GBF1: variants seen among roughly 807,000 people sequenced by gnomAD.
GBF1 encodes golgi brefeldin A resistant guanine nucleotide exchange factor 1, also known as Golgi-specific brefeldin A-resistance guanine nucleotide exchange factor 1.
GBF1 carries 114 observed loss-of-function variants against 210.5 expected under a neutral mutation model. That is an observed-to-expected ratio of 0.54 (90% confidence interval 0.47 to 0.63). The LOEUF (loss-of-function observed/expected upper bound fraction) is 0.63. GBF1 is among the 30% of genes least tolerant of loss of function. GBF1 has a pLI of 0.00. For synonymous variants in GBF1, 850 were observed against 889.2 expected, an observed-to-expected ratio of 0.96 and a Z score of 0.78; for missense variants, 1,851 against 2,357.7, an observed-to-expected ratio of 0.79 and a Z score of 4.45.
At chr10:102,333,226 G>T (rs1379924124) in intron 3 of GBF1, among the ~76,000 whole-genome samples, 1 of 152,170 alleles carries the variant, frequency 6.6e-6, no homozygotes, top group East Asian at 1.9e-4. Flanking sequence ...CTGTTGTATA[G>T]GGCAGGGTCT....
chr10:102,280,915 C>T (rs756090593), intron 3 of GBF1, among the ~76,000 whole-genome samples: 3 of 152,162 alleles, frequency 2.0e-5, no homozygotes, highest in Non-Finnish European at 4.4e-5. Context: ...TGTTGTCTTT[C>T]GTCTGAGAAA....
At chr10:102,284,100 G>C (rs1387443689) in intron 3 of GBF1, among the ~76,000 whole-genome samples, 1 of 152,098 alleles carries the variant, frequency 6.6e-6, no homozygotes, top group Non-Finnish European at 1.5e-5. Flanking sequence ...TGAGGTACCT[G>C]CTTGTCTCTA....
At chr10:102,236,260 C>T in the GBF1 span, among the ~76,000 whole-genome samples, 2 of 152,152 alleles carry the variant, frequency 1.3e-5, no homozygotes, top group Non-Finnish European at 2.9e-5. Context: ...CTTCGCCTCA[C>T]TCAGTGGATA....
At chr10:102,353,478 T>C (rs2059124150) in intron 7 of GBF1, 122 bp from the exon 8 acceptor site, 5 of 750,580 alleles carry the variant, frequency 6.7e-6, no homozygotes, top group African/African-American at 3.5e-5. Context: ...TGCTTCTCTT[T>C]TGTAGCCTTT....
At position 102,358,683 on chromosome 10, in the gene GBF1, A is replaced by G; in HGVS notation, c.965A>G (p.Glu322Gly). 5 of 1,614,074 alleles carry G rather than the reference A, an allele frequency of 3.1e-6. No homozygotes were observed. Among genetic ancestry groups the G allele is most frequent in the Non-Finnish European group, 4.2e-6 (5 of 1,179,946 alleles). ...PGSPGYSTAT[E>G]PGSSELGVPE... The stretch of plus-strand genomic sequence containing the variant: ...TCTCCAGGGTACAGCACAGCTACAG[A>G]GCCTGGAAGCAGTGAGCTAGGTGTT... The change falls in exon 10 of 40, where the codon GAG (glutamate) becomes GGG (glycine). Residue 322 changes from glutamate to glycine, a missense_variant. Physicochemically the swap from Glu to Gly is moderately conservative, Grantham distance 98. Coordinates refer to ENST00000369983, the MANE Select transcript of GBF1 (RefSeq NM_001377137.1).
intron 3 of GBF1, among the ~76,000 whole-genome samples, chr10:102,297,383 G>C (rs1240656350): frequency 2.6e-5 from 4 of 152,154 alleles, no homozygotes; most frequent in Non-Finnish European, 5.9e-5. Context: ...GGGAAATAAG[G>C]ATTCAGGCAG....
At chr10:102,255,453 T>G (rs937481930) in intron 1 of GBF1, among the ~76,000 whole-genome samples, 2 of 152,222 alleles carry the variant, frequency 1.3e-5, no homozygotes, top group Admixed American at 1.3e-4. Context: ...TGATTAAAAT[T>G]TAAAAGTAGT....
At chr10:102,368,935 C>T (rs558421251) in intron 23 of GBF1, 103 bp downstream of exon 23, 196 of 755,668 alleles carry the variant, frequency 2.6e-4, no homozygotes, top group Non-Finnish European at 1.4e-5. Flanking sequence ...TCAGCGTCTT[C>T]CCTCACTGCC....
At chr10:102,375,753 A>C (rs1174225044) in intron 30 of GBF1, among the ~76,000 whole-genome samples, 169 bp downstream of exon 30, 2 of 151,984 alleles carry the variant, frequency 1.3e-5, no homozygotes, top group Non-Finnish European at 2.9e-5. Context: ...CATAAGTTAA[A>C]TAGCATGAGG....
chr10:102,301,632 G>A (rs1589551553), intron 3 of GBF1, among the ~76,000 whole-genome samples: 2 of 147,058 alleles, frequency 1.4e-5, no homozygotes, highest in African/African-American at 5.0e-5. Flanking sequence ...AGACGGGGTC[G>A]CGGCCGGGCA....
At chr10:102,299,691 A>G (rs2077181243) in intron 3 of GBF1, among the ~76,000 whole-genome samples, 1 of 152,138 alleles carries the variant, frequency 6.6e-6, no homozygotes, top group African/African-American at 2.4e-5. Context: ...CTGAGGCAGG[A>G]GAATCGCTTG....
chr10:102,261,235 TTG>T (rs34325175), intron 3 of GBF1, among the ~76,000 whole-genome samples: 123,356 of 150,068 alleles, frequency 0.82, 50,712 homozygotes, highest in Admixed American at 0.86. Flanking sequence ...TACCTTATAT[TTG>T]TGTGTGTGTG....
rs570248066 is a variant in GBF1 at position 102,376,405 on chromosome 10, C to A, written c.4020C>A (p.Ala1340=). ...PGKIHRSATD[A]DVVNSGWLVV... ...AGATACACCGATCAGCCACAGATGC[C>A]GATGTGGTCAACAGTGGTTGGTTAG... The change falls in exon 31 of 40, where the codon GCC becomes GCA. Residue 1340 remains alanine (A), a synonymous_variant. Transcript: ENST00000369983. 4.0e-4 allele frequency: 651 copies of A among 1,614,128 alleles called. 7 individuals carry two copies. The South Asian group carries it at 6.8e-3, about 17-fold the overall frequency.
chr10:102,337,670 A>G (rs1289344829), intron 3 of GBF1, among the ~76,000 whole-genome samples: 1 of 152,108 alleles, frequency 6.6e-6, no homozygotes, highest in Admixed American at 6.6e-5. Context: ...CAGCCTGGCC[A>G]ACATGAAGAA....
At chr10:102,330,881 A>G (rs898290588) in intron 3 of GBF1, among the ~76,000 whole-genome samples, 2 of 152,104 alleles carry the variant, frequency 1.3e-5, no homozygotes, top group South Asian at 2.1e-4. Context: ...GGATTCATAC[A>G]TCATATTGGA....
intron 3 of GBF1, among the ~76,000 whole-genome samples, chr10:102,338,023 CAA>C (rs1475254897): frequency 1.3e-5 from 2 of 152,020 alleles, no homozygotes. Flanking sequence ...TCTCCCTAGA[CAA>C]AACTCTTTAA....
chr10:102,309,040 G>A (rs2078181390), intron 3 of GBF1, among the ~76,000 whole-genome samples: 1 of 152,144 alleles, frequency 6.6e-6, no homozygotes, highest in Non-Finnish European at 1.5e-5. Flanking sequence ...GGATTTCTGG[G>A]TCCTAATAGT....
chr10:102,345,927 C>T (rs1423610409), intron 4 of GBF1, among the ~76,000 whole-genome samples: 1 of 151,910 alleles, frequency 6.6e-6, no homozygotes, highest in Admixed American at 6.6e-5. Flanking sequence ...CTCCCCTCAG[C>T]CCCTTGTATG....
chr10:102,334,459 C>G (rs2057574230), intron 3 of GBF1, among the ~76,000 whole-genome samples: 1 of 152,166 alleles, frequency 6.6e-6, no homozygotes, highest in Admixed American at 6.5e-5. Context: ...GGAGAGTATT[C>G]TGTTTTGTCC....
Sources: gnomAD v4.1 joint callset for allele counts (sites outside exome capture counted in the v4.1 genomes callset) on GRCh38, gnomAD v4.1.1 for gene constraint, MANE v1.5 for transcripts, NCBI Gene and HGNC (gene_info 2026-07-23, HGNC 2026-07-21) for gene names.